CSMD3: variants seen among roughly 807,000 people sequenced by gnomAD.
CSMD3 encodes CUB and sushi domain-containing protein 3.
Under a neutral mutation model 435.2 loss-of-function variants are expected in CSMD3, and 177 were observed. That is an observed-to-expected ratio of 0.41 (90% CI 0.36 to 0.46). CSMD3 has a LOEUF of 0.46. CSMD3 is among the 20% of genes least tolerant of loss of function. The probability of loss-of-function intolerance (pLI) is 0.34; values close to 1 mark genes in which losing one functional copy is unlikely to be tolerated. For missense variants in CSMD3, 4,265 were observed against 4,504.6 expected, an observed-to-expected ratio of 0.95 and a Z score of 1.52; for synonymous variants, 1,656 against 1,520.5, an observed-to-expected ratio of 1.09 and a Z score of -2.07.
At chr8:113,055,551 CTATAACTG>C (rs1303540702) in intron 5 of CSMD3, among the ~76,000 whole-genome samples, 3 of 152,158 alleles carry the variant, frequency 2.0e-5, no homozygotes, top group Non-Finnish European at 4.4e-5. Flanking sequence ...ACTCTCATGT[CTATAACTG>C]TAATCCTAAA....
chr8:112,979,919 G>A (rs10095365), intron 6 of CSMD3, among the ~76,000 whole-genome samples: 86,393 of 150,626 alleles, frequency 0.57, 25,792 homozygotes, highest in East Asian at 0.95. Context: ...TAACAAAAAT[G>A]AAATAAAAAT....
chr8:113,198,402 C>T (rs2092682927), intron 3 of CSMD3, among the ~76,000 whole-genome samples: 1 of 150,994 alleles, frequency 6.6e-6, no homozygotes, highest in Non-Finnish European at 1.5e-5. Context: ...ATTCATATTC[C>T]AGCTTTGCTA....
chr8:113,017,857 A>C (rs2086528244), intron 6 of CSMD3, among the ~76,000 whole-genome samples: 1 of 152,090 alleles, frequency 6.6e-6, no homozygotes, highest in Admixed American at 6.5e-5. Context: ...TATTTTTAAT[A>C]AAATATGTGA....
At chr8:113,314,819 A>G (rs767796096) in intron 1 of CSMD3, 26 bp from the exon 2 acceptor site, 1 of 1,332,322 alleles carries the variant, frequency 7.5e-7, no homozygotes, top group Non-Finnish European at 1.1e-6. Context: ...ATAAACAGAC[A>G]TTAATATTAT....
intron 5 of CSMD3, among the ~76,000 whole-genome samples, chr8:113,077,822 T>C (rs2089407864): frequency 6.6e-6 from 1 of 152,206 alleles, no homozygotes; most frequent in African/African-American, 2.4e-5. Context: ...AGGAAGAGGA[T>C]TATTTCTAAT....
chr8:113,110,874 G>A (rs1312789389), intron 4 of CSMD3, among the ~76,000 whole-genome samples: 4 of 152,144 alleles, frequency 2.6e-5, no homozygotes, highest in South Asian at 2.1e-4. Context: ...CCAAGATGAA[G>A]GCACTGGCAG....
At position 112,237,417 on chromosome 8, in the gene CSMD3, T is replaced by C. The variant is rs896527035; in HGVS notation, c.10469-69A>G. On this transcript the variant is annotated intron_variant, in intron 66 of 70. Transcript: ENST00000297405. ...ATATAAATATAAGCATTAAATAGAGTATTAGTTTATTGAATAATGATGTAT... is the reference window on the plus strand; with the variant it reads ...ATATAAATATAAGCATTAAATAGAGCATTAGTTTATTGAATAATGATGTAT... The C allele has an allele frequency of 5.3e-6, 6 of 1,127,440 alleles. No individual in the cohort carries two copies. The Admixed American group carries it at 8.6e-5, about 16-fold the overall frequency. The allele number at this position is 1,127,440 out of a possible 1,614,324, so 69.8% of individuals were successfully genotyped here. A position where few individuals can be genotyped will look rare whatever the true frequency, so the allele number is the denominator to read the frequency against.
chr8:113,164,012 G>A (rs931077069), intron 4 of CSMD3, among the ~76,000 whole-genome samples: 1 of 151,964 alleles, frequency 6.6e-6, no homozygotes, highest in Admixed American at 6.6e-5. Flanking sequence ...TGTCCAGTAA[G>A]TTTGGTTTTC....
intron 1 of CSMD3, among the ~76,000 whole-genome samples, chr8:113,406,916 T>G (rs1233739038): frequency 1.3e-5 from 2 of 152,110 alleles, no homozygotes; most frequent in Non-Finnish European, 2.9e-5. Context: ...ATTGTTAAAT[T>G]TATGGTAGCC....
At chr8:113,420,354 A>C (rs1676855985) in intron 1 of CSMD3, among the ~76,000 whole-genome samples, 1 of 152,112 alleles carries the variant, frequency 6.6e-6, no homozygotes, top group Non-Finnish European at 1.5e-5. Flanking sequence ...ATAATTTTTC[A>C]ACATGCTGAA....
chr8:112,377,129 T>C (rs1236792455), intron 38 of CSMD3, among the ~76,000 whole-genome samples: 2 of 152,026 alleles, frequency 1.3e-5, no homozygotes, highest in African/African-American at 4.8e-5. Context: ...CAGCATCTAG[T>C]TGCTTTTTCG....
chr8:112,257,667 G>C (rs1815938305), intron 61 of CSMD3, among the ~76,000 whole-genome samples: 1 of 152,142 alleles, frequency 6.6e-6, no homozygotes, highest in Non-Finnish European at 1.5e-5. Flanking sequence ...TCATGCTCAT[G>C]GATAGGAAGA....
chr8:113,056,012 A>C (rs549789775), intron 5 of CSMD3, among the ~76,000 whole-genome samples: 4 of 152,198 alleles, frequency 2.6e-5, no homozygotes, highest in African/African-American at 9.6e-5. Flanking sequence ...GAGATTCCCA[A>C]GATCCTGAAA....
intron 22 of CSMD3, among the ~76,000 whole-genome samples, chr8:112,593,556 T>C (rs1831384523): frequency 6.6e-6 from 1 of 152,186 alleles, no homozygotes; most frequent in African/African-American, 2.4e-5. Flanking sequence ...TAGACATATT[T>C]GTACCCATGA....
chr8:113,180,527 G>A (rs1191605750), intron 3 of CSMD3, among the ~76,000 whole-genome samples: 1 of 151,778 alleles, frequency 6.6e-6, no homozygotes, highest in East Asian at 1.9e-4. Context: ...TTGAGAAGAG[G>A]GACTCTAATT....
chr8:113,266,951 G>A (rs1349948304), intron 3 of CSMD3, among the ~76,000 whole-genome samples: 1 of 151,484 alleles, frequency 6.6e-6, no homozygotes, highest in Non-Finnish European at 1.5e-5. Flanking sequence ...GACACAAATA[G>A]ACATTTCTCA....
intron 1 of CSMD3, among the ~76,000 whole-genome samples, chr8:113,386,024 A>G (rs1480418443): frequency 6.6e-6 from 1 of 152,060 alleles, no homozygotes; most frequent in Non-Finnish European, 1.5e-5. Flanking sequence ...TGAGATAGTC[A>G]AATAGTAGAA....
chr8:113,432,536 C>A (rs1387744928), intron 1 of CSMD3, among the ~76,000 whole-genome samples: 1 of 152,220 alleles, frequency 6.6e-6, no homozygotes, highest in Non-Finnish European at 1.5e-5. Context: ...TGCTCTCTCC[C>A]TCAGAGTCTA....
At chr8:112,800,788 CAT>C (rs1563973729) in intron 12 of CSMD3, among the ~76,000 whole-genome samples, 1 of 151,992 alleles carries the variant, frequency 6.6e-6, no homozygotes, top group Non-Finnish European at 1.5e-5. Flanking sequence ...GCCCATGTCA[CAT>C]ATGTTTTTCT....
Sources: gnomAD v4.1 joint callset for allele counts (sites outside exome capture counted in the v4.1 genomes callset) on GRCh38, gnomAD v4.1.1 for gene constraint, MANE v1.5 for transcripts, NCBI Gene and HGNC (gene_info 2026-07-23, HGNC 2026-07-21) for gene names.